The following AXIN1 variants were observed in gnomAD, a reference collection of about 807,000 sequenced individuals.
The protein encoded by AXIN1 is axin 1.
A neutral mutation model predicts 76.4 loss-of-function variants in AXIN1; 30 were observed. The observed-to-expected ratio is 0.39, with a 90% CI of 0.29 to 0.53. The LOEUF is 0.53. Ranked by LOEUF, AXIN1 falls within the 20% of genes least tolerant of loss-of-function variation. The pLI, the probability that AXIN1 is intolerant of heterozygous loss-of-function variation, is 0.66. For synonymous variants in AXIN1, 545 were observed against 501.4 expected, an observed-to-expected ratio of 1.09 and a Z score of -1.16; for missense variants, 1,140 against 1,198.8, an observed-to-expected ratio of 0.95 and a Z score of 0.72.
Position 297,088 on chromosome 16 carries a change from CT to C in AXIN1, c.1922del (p.Lys641ArgfsTer64). 6.2e-7 allele frequency: 1 copy of C among 1,612,550 alleles called. No individual in the cohort carries two copies. On this transcript the variant is annotated frameshift_variant, in exon 7 of 11. Transcript: ENST00000262320. LOFTEE classifies it high-confidence loss of function. ...KIMQWIIEGE[K>X]EISRHRRTGH... ...CGGTCCTGCGGTGCCTGCTGATCTC[CT>C]TTTCCCCCTCAATGATCCACTGCAT...
intron 2 of AXIN1, among the ~76,000 whole-genome samples, chr16:317,989 A>G (rs898473763): frequency 1.3e-5 from 2 of 152,262 alleles, no homozygotes; most frequent in Non-Finnish European, 2.9e-5. Context: ...GTCTACGTCC[A>G]CGGCACACGG....
chr16:290,813 G>C (rs2052534624), intron 9 of AXIN1: 1 of 381,932 alleles, frequency 2.6e-6, no homozygotes, highest in Admixed American at 3.7e-5. Context: ...AGCACCTGCA[G>C]CCCCGAGCCT....
chr16:352,436 C>A lies in AXIN1; in HGVS notation c.-149G>T. ...CGGCGCGGCGCGGTCCGGGCCCATG[C>A]GCTCAGCGGCAGCGCGGCGGGCGGG... On this transcript the variant is annotated 5_prime_UTR_variant, in exon 1 of 11. Transcript: ENST00000262320. 2 of 974,782 alleles carry A rather than the reference C, an allele frequency of 2.1e-6. No homozygotes were observed. Among genetic ancestry groups the A allele is most frequent in the Non-Finnish European group, 2.4e-6 (2 of 823,432 alleles). The allele number at this position is 974,782 out of a possible 1,614,324, so 60.4% of individuals were successfully genotyped here.
intron 3 of AXIN1, among the ~76,000 whole-genome samples, chr16:311,063 T>C (rs976003732): frequency 6.6e-6 from 1 of 152,110 alleles, no homozygotes; most frequent in African/African-American, 2.4e-5. Context: ...GACGGAGTCT[T>C]GCTCTGTCGC....
chr16:293,481 G>A lies in AXIN1; in HGVS notation c.2186+7C>T, dbSNP rs189357878. 0.011 allele frequency: 18,128 copies of A among 1,607,918 alleles called. 132 individuals carry two copies. The highest frequency in any genetic ancestry group is 0.016 in the South Asian group (1,476 of 90,994). ...AAGACCCACCCCACCCCACGACGCG[G>A]CCGTACCTCTGCTTGGAGGGTGCTC... On this transcript the variant is annotated splice_region_variant and intron_variant, in intron 8 of 10. Transcript: ENST00000262320. This position sits in a 1 kb window ranked among gnomAD's most constrained non-coding sequence, Gnocchi z 4.6.
At chr16:339,884 T>C (rs2053881656) in intron 2 of AXIN1, among the ~76,000 whole-genome samples, 1 of 151,986 alleles carries the variant, frequency 6.6e-6, no homozygotes, top group Admixed American at 6.5e-5. Context: ...CCACACCCTT[T>C]GCACAGGAAG....
At chr16:308,068 A>G (rs1334873373) in intron 4 of AXIN1, among the ~76,000 whole-genome samples, 1 of 152,206 alleles carries the variant, frequency 6.6e-6, no homozygotes, top group Non-Finnish European at 1.5e-5. Context: ...CTGTTCACAC[A>G]GAAACGCACA....
chr16:343,439 C>CA (rs1430346764), intron 2 of AXIN1, among the ~76,000 whole-genome samples: 1 of 152,192 alleles, frequency 6.6e-6, no homozygotes, highest in Non-Finnish European at 1.5e-5. Flanking sequence ...CAGTGGCTCA[C>CA]ACCTGGAATC....
At chr16:327,080 T>C (rs2053600279) in intron 2 of AXIN1, among the ~76,000 whole-genome samples, 1 of 151,498 alleles carries the variant, frequency 6.6e-6, no homozygotes, top group East Asian at 1.9e-4. Flanking sequence ...AGGTGGAGCT[T>C]GCAGTGAGCC....
chr16:301,551 G>A (rs1409567260), intron 5 of AXIN1, among the ~76,000 whole-genome samples: 2 of 152,214 alleles, frequency 1.3e-5, no homozygotes, highest in Non-Finnish European at 1.5e-5. Flanking sequence ...AGCACTTCGG[G>A]AAGCTGAGGT....
At position 314,528 on chromosome 16, in the gene AXIN1, CG is replaced by C. The variant is rs138300778; in HGVS notation, c.1019+14del. 2,597 of 1,613,048 alleles carry C rather than the reference CG, an allele frequency of 1.6e-3. 33 individuals are homozygous for C. The African/African-American group carries it at 0.029, about 18-fold the overall frequency. ...TGCTGTCCGTGAGGGACTGGGTATC[CG>C]GGGCGGGACTTACACGCTGCTGTCC... On this transcript the variant is annotated intron_variant, in intron 3 of 10. Transcript: ENST00000262320.
chr16:323,665 C>A (rs377748311), intron 2 of AXIN1, among the ~76,000 whole-genome samples: 4 of 151,790 alleles, frequency 2.6e-5, no homozygotes, highest in South Asian at 4.2e-4. Flanking sequence ...CCTGTAGTCC[C>A]AGCTACTCGG....
At chr16:343,894 T>TACTCGGGAGGCAGGAGAATCACTTAA (rs2053978868) in intron 2 of AXIN1, among the ~76,000 whole-genome samples, 1 of 148,064 alleles carries the variant, frequency 6.8e-6, no homozygotes, top group Non-Finnish European at 1.5e-5. Context: ...TAATCCCAGC[T>TACTCGGGAGGCAGGAGAATCACTTAA]ACTCGGGAGG....
chr16:342,326 C>T (rs955088993), intron 2 of AXIN1, among the ~76,000 whole-genome samples: 5 of 152,160 alleles, frequency 3.3e-5, no homozygotes, highest in Non-Finnish European at 7.3e-5. Flanking sequence ...GTAACACTCA[C>T]GGCAAGGGTC....
At chr16:332,388 T>C (rs550644638) in intron 2 of AXIN1, among the ~76,000 whole-genome samples, 3 of 151,912 alleles carry the variant, frequency 2.0e-5, no homozygotes, top group South Asian at 2.1e-4. Flanking sequence ...CCATCCTGGC[T>C]AACACAGTGA....
In AXIN1 at chr16:293,426, A is replaced by G; in HGVS notation, c.2186+62T>C. 6.5e-7 allele frequency: 1 copy of G among 1,533,736 alleles called. No individual in the cohort carries two copies. Among genetic ancestry groups the G allele is most frequent in the Non-Finnish European group, 8.9e-7 (1 of 1,122,368 alleles). On this transcript the variant is annotated intron_variant, in intron 8 of 10. Transcript: ENST00000262320. The surrounding 1 kb of genome is among the most constrained non-coding windows in gnomAD (Gnocchi z 4.6). ...AAGACCTCAGGCCTCGGGGAGCTTC[A>G]GCCCCAGGAGTGGTGCTGTGGTAAC... is the stretch of plus-strand genomic sequence containing the variant.
intron 2 of AXIN1, among the ~76,000 whole-genome samples, chr16:336,888 G>C (rs56778977): frequency 2.7e-5 from 4 of 149,350 alleles, no homozygotes; most frequent in African/African-American, 9.9e-5. Flanking sequence ...AGTGGCTCAC[G>C]CCTGTAATCC....
At chr16:333,400 G>A (rs1448726805) in intron 2 of AXIN1, among the ~76,000 whole-genome samples, 3 of 150,808 alleles carry the variant, frequency 2.0e-5, no homozygotes, top group South Asian at 2.1e-4. Flanking sequence ...TGAGGCAGGA[G>A]GATCGCTCAA....
At position 293,344 on chromosome 16, in the gene AXIN1, A is replaced by T. The variant is rs2052621077; in HGVS notation, c.2186+144T>A. ...GCCACGTGGCCCCTCAGTGGTTCTC[A>T]GTGGATGGAAGGGCCCAGTATGGCT... On this transcript the variant is annotated intron_variant, in intron 8 of 10. Transcript: ENST00000262320. This position sits in a 1 kb window ranked among gnomAD's most constrained non-coding sequence, Gnocchi z 4.6. 1 of 813,632 alleles carries T rather than the reference A, an allele frequency of 1.2e-6. No homozygotes were observed. Among genetic ancestry groups the T allele is most frequent in the Admixed American group, 2.5e-5 (1 of 40,506 alleles). 50.4% of individuals were successfully genotyped at this position (813,632 alleles called of 1,614,324 possible). A position where few individuals can be genotyped will look rare whatever the true frequency, so the allele number is the denominator to read the frequency against.
Sources: allele counts gnomAD v4.1 joint callset (sites outside exome capture counted in the v4.1 genomes callset), GRCh38; gene constraint gnomAD v4.1.1; non-coding constraint Gnocchi (gnomAD v3.1); transcripts MANE v1.5; gene names NCBI Gene and HGNC (gene_info 2026-07-23, HGNC 2026-07-21).